Variants in PARP8 observed in about 807,000 individuals in gnomAD.
The protein encoded by PARP8 is poly(ADP-ribose) polymerase family member 8, also known as protein mono-ADP-ribosyltransferase PARP8.
Under a neutral mutation model 124.1 loss-of-function variants are expected in PARP8, and 51 were observed. The observed-to-expected ratio is 0.41, with a 90% CI of 0.33 to 0.52. PARP8 has a LOEUF of 0.52. PARP8 is among the 20% of genes least tolerant of loss of function. The probability of loss-of-function intolerance (pLI) is 0.21; values close to 1 mark genes in which losing one functional copy is unlikely to be tolerated. For synonymous variants in PARP8, 391 were observed against 361.5 expected, an observed-to-expected ratio of 1.08 and a Z score of -0.93; for missense variants, 860 against 1,018.9, an observed-to-expected ratio of 0.84 and a Z score of 2.12.
rs144017619 is a variant in PARP8, at chr5:50,760,438, A to G, written c.345+76A>G. 388 of 1,138,826 alleles carry G rather than the reference A, an allele frequency of 3.4e-4. No homozygotes were observed. The African/African-American group carries it at 5.8e-3, about 17-fold the overall frequency. The allele number at this position is 1,138,826 out of a possible 1,614,324, so 70.5% of individuals were successfully genotyped here. A position where few individuals can be genotyped will look rare whatever the true frequency, so the allele number is the denominator to read the frequency against. On this transcript the variant is annotated intron_variant, in intron 5 of 25. Transcript: ENST00000281631. ...AATTTACTGGGTTTTTGTAGTTAATAGCATCATTAGTGAGACTAAAATGGT... is the reference window on the plus strand; with the variant it reads ...AATTTACTGGGTTTTTGTAGTTAATGGCATCATTAGTGAGACTAAAATGGT...
At chr5:50,693,158 A>C (rs1752673686) in intron 2 of PARP8, among the ~76,000 whole-genome samples, 1 of 152,166 alleles carries the variant, frequency 6.6e-6, no homozygotes, top group East Asian at 1.9e-4. Flanking sequence ...TCTTGCCTTA[A>C]TTATTTATAA....
rs1432552083 is a variant in PARP8 at position 50,733,743 on chromosome 5, A to C, written c.147-16408A>C. 2.6e-5 allele frequency among the ~76,000 whole-genome samples: 4 copies of C among 152,268 alleles called. No homozygotes were observed. In the East Asian group the frequency reaches 7.7e-4, roughly 29 times the overall value. On this transcript the variant is annotated intron_variant, in intron 2 of 25. Transcript: ENST00000281631. ...AATCTAATGTTTTTACATCATATTC[A>C]AACTTTTTTTTTGTCATGTGAGGCT...
At chr5:50,766,085 G>C (rs16885316) in intron 7 of PARP8, among the ~76,000 whole-genome samples, 6,441 of 152,210 alleles carry the variant, frequency 0.042, 441 homozygotes, top group African/African-American at 0.15. Flanking sequence ...AAAATCCTGA[G>C]ATTATTGAGG....
chr5:50,779,696 C>T (rs1236202451), intron 9 of PARP8, among the ~76,000 whole-genome samples: 3 of 152,202 alleles, frequency 2.0e-5, no homozygotes, highest in Non-Finnish European at 4.4e-5. Context: ...ACATAGACAG[C>T]ACCTTGTGAA....
intron 22 of PARP8, among the ~76,000 whole-genome samples, chr5:50,830,322 T>C (rs1472569816): frequency 6.6e-6 from 1 of 152,176 alleles, no homozygotes; most frequent in Non-Finnish European, 1.5e-5. Flanking sequence ...TTTCTTATCT[T>C]TGTAATATTA....
chr5:50,728,581 G>T (rs962328297), intron 2 of PARP8, among the ~76,000 whole-genome samples: 2 of 151,588 alleles, frequency 1.3e-5, no homozygotes, highest in African/African-American at 2.4e-5. Flanking sequence ...GAACTACACA[G>T]AATTTTTTTT....
At position 50,744,877 on chromosome 5, in the gene PARP8, G is replaced by A. The variant is rs529383823; in HGVS notation, c.147-5274G>A. 55 of 669,182 alleles carry A rather than the reference G, an allele frequency of 8.2e-5. 1 individual carries two copies. In the African/African-American group the frequency reaches 9.6e-4, roughly 12 times the overall value. The allele number at this position is 669,182 out of a possible 1,614,324, so 41.5% of individuals were successfully genotyped here. The stretch of plus-strand genomic sequence containing the variant: ...CTTATGCTTCTTGACAATATTTTCT[G>A]CCTGCTACATGGCATTTATTATGTA... On this transcript the variant is annotated intron_variant, in intron 2 of 25. Transcript: ENST00000281631.
intron 2 of PARP8, among the ~76,000 whole-genome samples, chr5:50,710,923 A>G (rs1156871656): frequency 6.6e-6 from 1 of 152,172 alleles, no homozygotes; most frequent in East Asian, 1.9e-4. Flanking sequence ...ACTATCTGTC[A>G]ATCATTTATC....
chr5:50,797,355 A>T (rs1363062142), intron 14 of PARP8, 122 bp downstream of exon 14: 2 of 661,300 alleles, frequency 3.0e-6, no homozygotes, highest in African/African-American at 3.7e-5. Context: ...TGAGCAAATT[A>T]TTTACATATA....
intron 2 of PARP8, among the ~76,000 whole-genome samples, chr5:50,701,100 G>A (rs1580006098): frequency 6.6e-6 from 1 of 152,230 alleles, no homozygotes; most frequent in East Asian, 1.9e-4. Flanking sequence ...GTTTCCAGAT[G>A]TGAATTGACT....
Position 50,666,997 on chromosome 5 carries a change from G to A in PARP8, c.-99G>A. The A allele has an allele frequency of 6.5e-7, 1 of 1,531,520 alleles. No individual in the cohort carries two copies. Among genetic ancestry groups the A allele is most frequent in the Non-Finnish European group, 8.8e-7 (1 of 1,141,260 alleles). The allele number at this position is 1,531,520 out of a possible 1,614,324, so 94.9% of individuals were successfully genotyped here. A position where few individuals can be genotyped will look rare whatever the true frequency, so the allele number is the denominator to read the frequency against. Reference sequence around the variant, plus strand: ...GCCTTCAGCCCCTGCCTCGGCCAGAGGTTTCATTTTTAACTGAATATTTAC... The same window carrying A: ...GCCTTCAGCCCCTGCCTCGGCCAGAAGTTTCATTTTTAACTGAATATTTAC... On this transcript the variant is annotated 5_prime_UTR_variant, in exon 1 of 26. Coordinates refer to ENST00000281631, the MANE Select transcript of PARP8 (RefSeq NM_024615.4).
intron 2 of PARP8, among the ~76,000 whole-genome samples, chr5:50,676,727 A>G (rs777419975): frequency 2.6e-5 from 4 of 152,238 alleles, no homozygotes; most frequent in Non-Finnish European, 5.9e-5. Flanking sequence ...ATTACATTAA[A>G]AAATCAATGA....
intron 2 of PARP8, among the ~76,000 whole-genome samples, chr5:50,749,801 G>A (rs1759029027): frequency 6.6e-6 from 1 of 152,010 alleles, no homozygotes; most frequent in African/African-American, 2.4e-5. Context: ...GGTAAGAAAA[G>A]ATGATTTGAT....
chr5:50,694,051 A>G (rs1309588443), intron 2 of PARP8, among the ~76,000 whole-genome samples: 5 of 152,162 alleles, frequency 3.3e-5, no homozygotes, highest in African/African-American at 4.8e-5. Context: ...ATAATTGTCT[A>G]CACCCTCTTT....
intron 2 of PARP8, among the ~76,000 whole-genome samples, chr5:50,670,969 G>C (rs1440103257): frequency 6.6e-6 from 1 of 152,166 alleles, no homozygotes; most frequent in Non-Finnish European, 1.5e-5. Context: ...TTCTAGCAAT[G>C]ATCTTGATAA....
intron 1 of PARP8, chr5:50,667,508 T>C: frequency 1.4e-6 from 1 of 697,404 alleles, no homozygotes; most frequent in East Asian, 2.7e-5. Flanking sequence ...GCACGCTTCC[T>C]GGGTTCCAGC....
In PARP8 at chr5:50,822,408, T is replaced by G; in HGVS notation, c.1860+8T>G. On this transcript the variant is annotated splice_region_variant and intron_variant, in intron 17 of 25. Transcript: ENST00000281631. ...ATCAGAGAAATGACACAAGTAAGTA[T>G]GTCATCTGGTCTTGTACAGTATATT... 1.3e-6 allele frequency: 2 copies of G among 1,593,116 alleles called. No individual in the cohort carries two copies. The highest frequency in any genetic ancestry group is 1.7e-5 in the Admixed American group (1 of 59,882).
At chr5:50,714,455 T>G (rs1378443734) in intron 2 of PARP8, among the ~76,000 whole-genome samples, 1 of 152,144 alleles carries the variant, frequency 6.6e-6, no homozygotes, top group Non-Finnish European at 1.5e-5. Context: ...GTGCTGAACA[T>G]GCAGGTTTGT....
At chr5:50,667,951 G>A in intron 1 of PARP8, 120 bp from the exon 2 acceptor site, 3 of 1,588,210 alleles carry the variant, frequency 1.9e-6, no homozygotes, top group Non-Finnish European at 2.6e-6. Context: ...CCGCCCTCTA[G>A]CCCTTGCCTT....
Sources: gnomAD v4.1 joint callset for allele counts (sites outside exome capture counted in the v4.1 genomes callset) on GRCh38, gnomAD v4.1.1 for gene constraint, MANE v1.5 for transcripts, NCBI Gene and HGNC (gene_info 2026-07-23, HGNC 2026-07-21) for gene names.